The following GAS7 variants were observed in gnomAD, a reference collection of about 807,000 sequenced individuals.
GAS7 encodes the protein growth arrest specific 7.
GAS7 carries 28 observed loss-of-function variants against 71.1 expected under a neutral mutation model. That is an observed-to-expected ratio of 0.39 (90% CI 0.29 to 0.54). GAS7 has a LOEUF of 0.54. GAS7 is among the 20% of genes least tolerant of loss of function. GAS7 has a pLI of 0.62. For synonymous variants in GAS7, 258 were observed against 245.8 expected (o/e 1.05, Z -0.46); for missense variants, 436 against 627.8 (o/e 0.69, Z 3.27).
Position 10,002,857 on chromosome 17 carries a change from G to A in GAS7, c.304+16920C>T, listed in dbSNP as rs145812701. On this transcript the variant is annotated intron_variant, in intron 2 of 13. Transcript: ENST00000432992. Reference sequence around the variant, plus strand: ...CCAAGTCTTTGCTATTGTGAATAGCGCCACAATAAACATACGTGTGCATGT... The same window carrying A: ...CCAAGTCTTTGCTATTGTGAATAGCACCACAATAAACATACGTGTGCATGT... Among the ~76,000 whole-genome samples, 1,315 of 152,196 alleles carry A rather than the reference G, an allele frequency of 8.6e-3. 14 individuals carry two copies. Among genetic ancestry groups the A allele is most frequent in the African/African-American group, 0.03 (1,232 of 41,486 alleles).
At chr17:10,012,135 AT>A (rs2071798999) in intron 2 of GAS7, among the ~76,000 whole-genome samples, 1 of 152,230 alleles carries the variant, frequency 6.6e-6, no homozygotes, top group East Asian at 1.9e-4. Context: ...TTGGCCATCT[AT>A]CTATACTGGC....
intron 1 of GAS7, among the ~76,000 whole-genome samples, chr17:10,155,776 T>C (rs1299114642): frequency 6.6e-6 from 1 of 152,228 alleles, no homozygotes; most frequent in Non-Finnish European, 1.5e-5. Context: ...TTTACCTGTA[T>C]TTACTCATTT....
chr17:10,137,360 G>A (rs1597813116), intron 1 of GAS7, among the ~76,000 whole-genome samples: 1 of 140,568 alleles, frequency 7.1e-6, no homozygotes, highest in East Asian at 2.1e-4. Context: ...CCCACAACCT[G>A]CCCCCCTCAC....
intron 1 of GAS7, among the ~76,000 whole-genome samples, chr17:10,078,068 T>C (rs1426600584): frequency 3.4e-5 from 4 of 116,174 alleles, no homozygotes; most frequent in Non-Finnish European, 5.6e-5. Context: ...TGTGTGTGTG[T>C]GTGTGTGTGT....
Position 10,056,609 on chromosome 17 carries a change from C to T in GAS7, c.184-36712G>A, listed in dbSNP as rs993994544. On this transcript the variant is annotated intron_variant, in intron 1 of 13. Coordinates refer to ENST00000432992, the MANE Select transcript of GAS7 (RefSeq NM_201433.2). ...CAAATGGGCCGGGCGCAGTGGCTCA[C>T]GCCTGTAATCCCAGCACTTTGGGAG... Among the ~76,000 whole-genome samples, 122 of 151,982 alleles carry T rather than the reference C, an allele frequency of 8.0e-4. 3 individuals are homozygous for T. Among genetic ancestry groups the T allele is most frequent in the Admixed American group, 3.9e-4 (6 of 15,276 alleles).
chr17:10,173,736 G>A (rs1047679521), intron 1 of GAS7, among the ~76,000 whole-genome samples: 7 of 150,794 alleles, frequency 4.6e-5, no homozygotes, highest in South Asian at 4.2e-4. Flanking sequence ...CCACTGCACT[G>A]CAGCCTGGGG....
At chr17:10,073,030 G>A (rs918032227) in intron 1 of GAS7, among the ~76,000 whole-genome samples, 5 of 152,202 alleles carry the variant, frequency 3.3e-5, no homozygotes, top group Non-Finnish European at 7.3e-5. Flanking sequence ...TAGAAAAGGT[G>A]GCCCTCCCCG....
At chr17:10,065,052 G>A (rs551031377) in intron 1 of GAS7, among the ~76,000 whole-genome samples, 1 of 152,220 alleles carries the variant, frequency 6.6e-6, no homozygotes, top group South Asian at 2.1e-4. Flanking sequence ...AAACTCCTGG[G>A]CTCAAGTGAT....
intron 9 of GAS7, among the ~76,000 whole-genome samples, chr17:9,929,299 GCC>G (rs2068124390): frequency 6.6e-6 from 1 of 152,062 alleles, no homozygotes; most frequent in Non-Finnish European, 1.5e-5. Flanking sequence ...CTGGACCCCA[GCC>G]CCAGGTTCTG....
rs541470069 is a variant in GAS7, at chr17:9,914,836, C to T, written c.*2392G>A. ...GCATGCCTGGCTTGTCTTGAGCATT[C>T]GCTGAATGAATGCAGATTAATCAGA... is the stretch of plus-strand genomic sequence containing the variant. On this transcript the variant is annotated 3_prime_UTR_variant, in exon 14 of 14. Transcript: ENST00000432992. The T allele has an allele frequency of 8.0e-4, 184 of 230,610 alleles. No homozygotes were observed. Among genetic ancestry groups the T allele is most frequent in the Non-Finnish European group, 1.3e-3 (150 of 116,378 alleles). 14.3% of individuals were successfully genotyped at this position (230,610 alleles called of 1,614,324 possible).
intron 3 of GAS7, among the ~76,000 whole-genome samples, chr17:9,971,575 G>C (rs1487086591): frequency 6.6e-6 from 1 of 152,208 alleles, no homozygotes; most frequent in East Asian, 1.9e-4. Context: ...TCAAAAAAGT[G>C]GGGGAGCAGA....
chr17:9,941,751 AC>A (rs1278755583), intron 7 of GAS7, among the ~76,000 whole-genome samples: 4 of 152,120 alleles, frequency 2.6e-5, no homozygotes, highest in Non-Finnish European at 5.9e-5. Flanking sequence ...GTTTTCTCAA[AC>A]CCGAGCTGTG....
chr17:9,925,351 G>A, intron 11 of GAS7, 125 bp downstream of exon 11: 1 of 930,926 alleles, frequency 1.1e-6, no homozygotes, highest in South Asian at 1.5e-5. Flanking sequence ...GCAAACAAGG[G>A]AAGTAATTTC....
chr17:10,179,333 CA>C (rs569480598), intron 1 of GAS7, among the ~76,000 whole-genome samples: 158 of 139,254 alleles, frequency 1.1e-3, no homozygotes, highest in Middle Eastern at 7.4e-3. Context: ...AACTCCATCT[CA>C]AAAAAAAAAA....
At chr17:10,160,553 C>T (rs545817669) in intron 1 of GAS7, among the ~76,000 whole-genome samples, 3 of 152,240 alleles carry the variant, frequency 2.0e-5, no homozygotes, top group South Asian at 4.1e-4. Context: ...ATCCCAGCTC[C>T]CTGTCTAGTG....
intron 1 of GAS7, among the ~76,000 whole-genome samples, chr17:10,192,436 C>G (rs1420366960): frequency 6.6e-6 from 1 of 152,292 alleles, no homozygotes; most frequent in Non-Finnish European, 1.5e-5. Context: ...AAAACATTTT[C>G]TTTCACCAGC....
intron 5 of GAS7, among the ~76,000 whole-genome samples, chr17:9,956,505 G>A (rs777208717): frequency 8.5e-5 from 13 of 152,114 alleles, no homozygotes; most frequent in Non-Finnish European, 1.8e-4. Flanking sequence ...ATTCAGACGC[G>A]TTCATGCTCC....
intron 1 of GAS7, among the ~76,000 whole-genome samples, chr17:10,108,153 G>A (rs1292313731): frequency 6.6e-6 from 1 of 152,230 alleles, no homozygotes; most frequent in Non-Finnish European, 1.5e-5. Context: ...TGGCCAGCTA[G>A]GCAGGAGAAC....
chr17:9,915,467 G>A lies in GAS7; in HGVS notation c.*1761C>T, dbSNP rs973095856. The A allele has an allele frequency of 8.7e-6, 2 of 229,756 alleles. No homozygotes were observed. Among genetic ancestry groups the A allele is most frequent in the Non-Finnish European group, 1.7e-5 (2 of 115,738 alleles). 14.2% of individuals were successfully genotyped at this position (229,756 alleles called of 1,614,324 possible). ...CCATCCCATGGACAGATCCTACCAG[G>A]AGGTCTTCACGTAGGTGAAGGCCTT... On this transcript the variant is annotated 3_prime_UTR_variant, in exon 14 of 14. Transcript: ENST00000432992.
Sources: gnomAD v4.1 joint callset for allele counts (sites outside exome capture counted in the v4.1 genomes callset) on GRCh38, gnomAD v4.1.1 for gene constraint, MANE v1.5 for transcripts, NCBI Gene and HGNC (gene_info 2026-07-23, HGNC 2026-07-21) for gene names.